EZR: variants seen among roughly 807,000 people sequenced by gnomAD.
The protein encoded by EZR is ezrin.
In EZR, 40 loss-of-function variants were observed where a neutral mutation model predicts 74.8. The observed-to-expected ratio is 0.53, with a 90% CI of 0.42 to 0.70. The LOEUF is 0.70. Among genes scored for constraint, EZR ranks in the 30% least tolerant of loss-of-function variants. The pLI, the probability that EZR is intolerant of heterozygous loss-of-function variation, is 0.00. For missense variants in EZR, 678 were observed against 755.8 expected (o/e 0.90, Z 1.21); for synonymous variants, 341 against 283.3 (o/e 1.20, Z -2.05).
chr6:158,806,270 G>A (rs757570149), intron 2 of EZR, among the ~76,000 whole-genome samples: 1 of 152,180 alleles, frequency 6.6e-6, no homozygotes, highest in Non-Finnish European at 1.5e-5. Flanking sequence ...CTCGCCCTGA[G>A]ATCCTCCCAC....
At chr6:158,805,326 C>T in intron 2 of EZR, among the ~76,000 whole-genome samples, 1 of 128,930 alleles carries the variant, frequency 7.8e-6, no homozygotes, top group East Asian at 2.2e-4. Flanking sequence ...GTGACAGAGA[C>T]TCCATCTCAG....
At chr6:158,818,345 G>A (rs974047542) in intron 1 of EZR, 179 bp from the exon 2 acceptor site, 13 of 227,348 alleles carry the variant, frequency 5.7e-5, no homozygotes, top group Middle Eastern at 1.4e-3. Flanking sequence ...GGGCGGGGCC[G>A]GGCCGGGCCC....
intron 8 of EZR, among the ~76,000 whole-genome samples, chr6:158,773,203 G>A (rs1791173429): frequency 6.6e-6 from 1 of 152,124 alleles, no homozygotes; most frequent in South Asian, 2.1e-4. Flanking sequence ...TGCATGGGTG[G>A]GGGGATCAAT....
At chr6:158,794,134 G>A (rs575081303) in intron 2 of EZR, among the ~76,000 whole-genome samples, 5 of 152,242 alleles carry the variant, frequency 3.3e-5, no homozygotes, top group East Asian at 1.9e-4. Flanking sequence ...AAAATTAGCC[G>A]GGCGTGGTAC....
rs1441189441 is a variant in EZR, at chr6:158,817,512, TAG to T, written c.12+568_12+569del. On this transcript the variant is annotated intron_variant, in intron 2 of 13. Transcript: ENST00000367075. ...TTCAAGTCCATGGCTAACCTTCTGT[TAG>T]AGACAGAAATTCTGCTGCAGCCAGC... 3.3e-5 allele frequency among the ~76,000 whole-genome samples: 5 copies of T among 152,212 alleles called. No homozygotes were observed. In the East Asian group the frequency reaches 9.6e-4, roughly 29 times the overall value.
At chr6:158,803,569 ATAT>A (rs1777246751) in intron 2 of EZR, among the ~76,000 whole-genome samples, 2 of 5,420 alleles carry the variant, frequency 3.7e-4, no homozygotes, top group African/African-American at 7.3e-4. Context: ...ATATATATAT[ATAT>A]ATATATATAC....
intron 2 of EZR, among the ~76,000 whole-genome samples, chr6:158,815,226 C>CAA (rs113708256): frequency 6.6e-6 from 1 of 152,062 alleles, no homozygotes; most frequent in African/African-American, 2.4e-5. Context: ...ACTAAGGCAG[C>CAA]AAAAAAACCC....
At chr6:158,783,778 G>T in intron 6 of EZR, 112 bp from the exon 7 acceptor site, 1 of 1,173,046 alleles carries the variant, frequency 8.5e-7, no homozygotes, top group Non-Finnish European at 1.2e-6. Flanking sequence ...TGGGCTCAAT[G>T]CTGTGTGCTG....
At position 158,776,459 on chromosome 6, in the gene EZR, G is replaced by C. The variant is rs1403636263; in HGVS notation, c.744C>G (p.Ile248Met). ...IGFPWSEIRN[I>M]SFNDKKFVIK... ...TGACAAACTTTTTGTCATTGAAAGA[G>C]ATGTTCCTGATTTCACTCCAAGGAA... The change falls in exon 8 of 14, where the codon ATC becomes ATG. Residue 248 changes from isoleucine (I) to methionine (M), a missense_variant. Transcript: ENST00000367075. 2 of 1,613,336 alleles carry C rather than the reference G, an allele frequency of 1.2e-6. No homozygotes were observed. Among genetic ancestry groups the C allele is most frequent in the South Asian group, 2.2e-5 (2 of 90,748 alleles).
intron 3 of EZR, 84 bp downstream of exon 3, chr6:158,789,204 T>C: frequency 1.0e-6 from 1 of 990,798 alleles, no homozygotes; most frequent in Non-Finnish European, 1.5e-6. Context: ...AACAAGGTAA[T>C]ATGCTTCGCA....
At chr6:158,775,764 CAA>C (rs1452779229) in intron 8 of EZR, among the ~76,000 whole-genome samples, 1 of 152,196 alleles carries the variant, frequency 6.6e-6, no homozygotes, top group Non-Finnish European at 1.5e-5. Flanking sequence ...TCTGAGTTAA[CAA>C]AAGTTTAAAT....
chr6:158,774,120 C>T (rs968919735), intron 8 of EZR, among the ~76,000 whole-genome samples: 11 of 152,222 alleles, frequency 7.2e-5, no homozygotes, highest in Admixed American at 1.3e-4. Flanking sequence ...GGAATCCCAC[C>T]GCCTCAAACT....
At chr6:158,786,723 G>A (rs1379346176) in intron 4 of EZR, among the ~76,000 whole-genome samples, 1 of 150,980 alleles carries the variant, frequency 6.6e-6, no homozygotes, top group African/African-American at 2.4e-5. Context: ...TTTTCTTTTT[G>A]GTTGGTTAAT....
At chr6:158,770,435 C>A (rs1364340949) in intron 10 of EZR, among the ~76,000 whole-genome samples, 1 of 152,190 alleles carries the variant, frequency 6.6e-6, no homozygotes, top group Non-Finnish European at 1.5e-5. Context: ...CAGCATGGCC[C>A]TGTCAGTCAT....
At chr6:158,770,715 T>C (rs761626922) in intron 10 of EZR, 49 bp downstream of exon 10, 1 of 1,612,348 alleles carries the variant, frequency 6.2e-7, no homozygotes, top group South Asian at 1.1e-5. Context: ...CCTGCTACTC[T>C]GTGGAAATGC....
Position 158,769,358 on chromosome 6 carries a change from T to C in EZR, c.1312A>G (p.Lys438Glu). 6.2e-7 allele frequency: 1 copy of C among 1,609,870 alleles called. No homozygotes were observed. Among genetic ancestry groups the C allele is most frequent in the Non-Finnish European group, 8.5e-7 (1 of 1,180,018 alleles). Residue 438 changes from lysine to glutamate, a missense_variant, in exon 12 of 14, where the codon AAG becomes GAG. Around this residue, in one of 3 missense-constraint regions of EZR, gnomAD observed 342 missense variants for 341.2 expected, o/e 1.00. Coordinates refer to ENST00000367075, the MANE Select transcript of EZR (RefSeq NM_001111077.2). Reference protein sequence around the residue: ...IALLEEARRRKEDEVEEWQHR... With the variant: ...IALLEEARRREEDEVEEWQHR... ...TGCCACTCTTCAACTTCATCCTCCTTGCGCCTCCGCGCCTCTTCCAGGAGG... is the reference window on the plus strand; with the variant it reads ...TGCCACTCTTCAACTTCATCCTCCTCGCGCCTCCGCGCCTCTTCCAGGAGG...
intron 8 of EZR, among the ~76,000 whole-genome samples, chr6:158,771,718 A>G (rs553910943): frequency 6.4e-4 from 98 of 152,240 alleles, no homozygotes; most frequent in African/African-American, 2.2e-3. Context: ...GCACACTGAA[A>G]TGCCACTGCA....
intron 12 of EZR, among the ~76,000 whole-genome samples, chr6:158,769,119 G>C (rs1227786850): frequency 1.3e-5 from 2 of 152,334 alleles, no homozygotes; most frequent in East Asian, 3.9e-4. Context: ...CGTGTACAAA[G>C]TCAAACCCAT....
intron 2 of EZR, among the ~76,000 whole-genome samples, chr6:158,812,643 G>A (rs538546488): frequency 1.3e-5 from 2 of 152,148 alleles, no homozygotes; most frequent in South Asian, 4.1e-4. Context: ...TATTTTGGGG[G>A]GCAGTGGATG....
Sources: allele counts gnomAD v4.1 joint callset (sites outside exome capture counted in the v4.1 genomes callset), GRCh38; gene constraint gnomAD v4.1.1; regional missense constraint gnomAD v4.1.1; transcripts MANE v1.5; gene names NCBI Gene and HGNC (gene_info 2026-07-23, HGNC 2026-07-21).